MICAL2: variants seen among roughly 807,000 people sequenced by gnomAD.
MICAL2 encodes the protein microtubule associated monooxygenase, calponin and LIM domain containing 2.
Under a neutral mutation model 127.3 loss-of-function variants are expected in MICAL2, and 77 were observed. The ratio of observed to expected loss-of-function variants is 0.60; its 90% CI spans 0.50 to 0.73. The LOEUF (loss-of-function observed/expected upper bound fraction) is 0.73. MICAL2 is among the 30% of genes least tolerant of loss of function. The pLI, the probability that MICAL2 is intolerant of heterozygous loss-of-function variation, is 0.00. For missense variants in MICAL2, 1,351 were observed against 1,434.4 expected, an observed-to-expected ratio of 0.94 and a Z score of 0.94; for synonymous variants, 570 against 551.1, an observed-to-expected ratio of 1.03 and a Z score of -0.48.
upstream of MICAL2, among the ~76,000 whole-genome samples, chr11:12,275,597 A>T (rs546853219): frequency 2.6e-5 from 4 of 152,184 alleles, no homozygotes; most frequent in Admixed American, 2.0e-4. Context: ...AGCTGGGTCA[A>T]ATGCTGCTGG....
Position 12,110,914 on chromosome 11 carries a change from G to C in MICAL2, c.-149+188G>C, listed in dbSNP as rs908627827. Among the ~76,000 whole-genome samples, 2 of 152,188 alleles carry C rather than the reference G, an allele frequency of 1.3e-5. No individual in the cohort carries two copies. The highest frequency in any genetic ancestry group is 2.4e-5 in the African/African-American group (1 of 41,452). On this transcript the variant is annotated intron_variant, in intron 1 of 27. Transcript: ENST00000683283. The surrounding 1 kb of genome is among the most constrained non-coding windows in gnomAD (Gnocchi z 4.5). ...AGCAGGTGGCGCTGCGACGAAGCCC[G>C]GGGCGGCCCTGGCCGGCCTCTGAAC...
rs937850524 is a variant in MICAL2, at chr11:12,162,474, G to A, written c.264+55G>A. ...TGCAGGGCGTGTGGGTTGACATTTGGGAGGTTAGGAAGCTGTTGCCATTTT... is the reference window on the plus strand; with the variant it reads ...TGCAGGGCGTGTGGGTTGACATTTGAGAGGTTAGGAAGCTGTTGCCATTTT... On this transcript the variant is annotated intron_variant, in intron 3 of 27. Transcript: ENST00000683283. 111 of 1,595,484 alleles carry A rather than the reference G, an allele frequency of 7.0e-5. 1 individual carries two copies. Among genetic ancestry groups the A allele is most frequent in the Non-Finnish European group, 8.0e-5 (94 of 1,169,370 alleles).
rs865908325 is a variant in MICAL2, at chr11:12,304,661, C to G, written c.5212+9804C>G. Among the ~76,000 whole-genome samples, 22 of 149,276 alleles carry G rather than the reference C, an allele frequency of 1.5e-4. 1 individual carries two copies. Among genetic ancestry groups the G allele is most frequent in the Non-Finnish European group, 2.4e-4 (16 of 66,922 alleles). ...AAACACACACACACACACACACACA[C>G]ACACACACACACACACACACACACA... On this transcript the variant is annotated intron_variant, in intron 29 of 34. Coordinates refer to the MICAL2 transcript ENST00000646065.
chr11:12,305,838 A>G (rs1864103630), intron 29 of MICAL2, among the ~76,000 whole-genome samples: 1 of 152,186 alleles, frequency 6.6e-6, no homozygotes, highest in Admixed American at 6.5e-5. Context: ...TACAATTTTC[A>G]TTAGATATTT....
At chr11:12,295,379 A>T (rs1863973454), downstream of MICAL2, among the ~76,000 whole-genome samples, 1 of 149,420 alleles carries the variant, frequency 6.7e-6, no homozygotes, top group African/African-American at 2.5e-5. Flanking sequence ...GCCTCAGGTG[A>T]TCCACCCATC....
intron 1 of MICAL2, among the ~76,000 whole-genome samples, chr11:12,118,253 G>A (rs1487495852): frequency 3.3e-5 from 5 of 152,164 alleles, no homozygotes; most frequent in Admixed American, 1.3e-4. Flanking sequence ...ACCTTCACAC[G>A]CACACATAGA....
At chr11:12,352,437 C>T (rs981974265) in intron 33 of MICAL2, among the ~76,000 whole-genome samples, 2 of 152,224 alleles carry the variant, frequency 1.3e-5, no homozygotes, top group Admixed American at 6.5e-5. Flanking sequence ...AAGGGTCTGC[C>T]TGAGAGTCAG....
chr11:12,159,168 T>C (rs1184444620), intron 2 of MICAL2, among the ~76,000 whole-genome samples: 1 of 152,178 alleles, frequency 6.6e-6, no homozygotes. Context: ...CAGCACCACC[T>C]TTAGCTCTTT....
chr11:12,359,634 G>A (rs1322535918), downstream of MICAL2, among the ~76,000 whole-genome samples: 1 of 152,154 alleles, frequency 6.6e-6, no homozygotes, highest in Non-Finnish European at 1.5e-5. Context: ...GCTGGAAGAT[G>A]GAGTTTGTGT....
chr11:12,292,400 A>G (rs1863917208), downstream of MICAL2: 10 of 1,301,704 alleles, frequency 7.7e-6, no homozygotes, highest in South Asian at 1.3e-4. Context: ...TCATAGGTCA[A>G]CCTAAGTGCA....
At chr11:12,260,841 C>T (rs1418236388) in intron 26 of MICAL2, 1 of 985,446 alleles carries the variant, frequency 1.0e-6, no homozygotes, top group Non-Finnish European at 1.2e-6. Flanking sequence ...AGGCTTTCCC[C>T]CCCATACCAA....
chr11:12,115,421 G>A (rs911697404), intron 1 of MICAL2, among the ~76,000 whole-genome samples: 1 of 152,208 alleles, frequency 6.6e-6, no homozygotes, highest in Non-Finnish European at 1.5e-5. Context: ...TCAACATGAA[G>A]ACATGGTTTG....
At chr11:12,142,054 G>A (rs1852403024) in intron 2 of MICAL2, among the ~76,000 whole-genome samples, 1 of 152,222 alleles carries the variant, frequency 6.6e-6, no homozygotes, top group Non-Finnish European at 1.5e-5. Flanking sequence ...TGGTAGAAGT[G>A]AGACAGAAGC....
downstream of MICAL2, among the ~76,000 whole-genome samples, chr11:12,291,141 G>A (rs1045514201): frequency 6.6e-6 from 1 of 152,166 alleles, no homozygotes; most frequent in East Asian, 1.9e-4. Context: ...ACATCCCTAC[G>A]TGCCACCACG....
At chr11:12,209,401 C>T (rs965798966) in intron 5 of MICAL2, 96 bp from the exon 6 acceptor site, 2 of 958,958 alleles carry the variant, frequency 2.1e-6, no homozygotes, top group African/African-American at 3.2e-5. Flanking sequence ...ACAGACCTGG[C>T]TGCACTGTCC....
chr11:12,144,531 C>CT (rs1379278959), intron 2 of MICAL2, among the ~76,000 whole-genome samples: 2 of 152,180 alleles, frequency 1.3e-5, no homozygotes, highest in African/African-American at 4.8e-5. Context: ...TGAGTGTGGC[C>CT]TGGAGAGGCA....
intron 4 of MICAL2, 45 bp downstream of exon 4, chr11:12,204,502 C>A (rs1854422879): frequency 1.3e-6 from 2 of 1,587,568 alleles, no homozygotes; most frequent in Admixed American, 3.4e-5. Flanking sequence ...AGGGGACTGA[C>A]CCTGGGTGGG....
intron 2 of MICAL2, among the ~76,000 whole-genome samples, chr11:12,159,944 C>G (rs1565063772): frequency 6.6e-6 from 1 of 152,178 alleles, no homozygotes; most frequent in South Asian, 2.1e-4. Context: ...CACAGAGCCC[C>G]CTTCCCCAGT....
chr11:12,235,613 T>G (rs2134415388), intron 15 of MICAL2, among the ~76,000 whole-genome samples: 1 of 152,332 alleles, frequency 6.6e-6, no homozygotes, highest in South Asian at 2.1e-4. Flanking sequence ...TCTGTGATGG[T>G]GAGTGAATTG....
Sources: allele counts gnomAD v4.1 joint callset (sites outside exome capture counted in the v4.1 genomes callset), GRCh38; gene constraint gnomAD v4.1.1; non-coding constraint Gnocchi (gnomAD v3.1); transcripts MANE v1.5; gene names NCBI Gene and HGNC (gene_info 2026-07-23, HGNC 2026-07-21).